The following AFG1L variants were observed in gnomAD, a reference collection of about 807,000 sequenced individuals.
AFG1L encodes AFG1-like ATPase.
AFG1L carries 53 observed loss-of-function variants against 62.2 expected under a neutral mutation model. The ratio of observed to expected loss-of-function variants is 0.85; its 90% CI spans 0.68 to 1.07. The LOEUF is 1.07. Among genes scored for constraint, AFG1L ranks in the 50% least tolerant of loss-of-function variants. AFG1L has a pLI of 0.00. For synonymous variants in AFG1L, 228 were observed against 210.3 expected, an observed-to-expected ratio of 1.08 and a Z score of -0.73; for missense variants, 555 against 590.5, an observed-to-expected ratio of 0.94 and a Z score of 0.62.
At chr6:108,328,130 T>C (rs545384960) in intron 2 of AFG1L, among the ~76,000 whole-genome samples, 455 of 152,366 alleles carry the variant, frequency 3.0e-3, no homozygotes, top group Non-Finnish European at 4.1e-3. Flanking sequence ...AGACTGCTTA[T>C]GTACTGCATA....
chr6:108,515,468 G>A (rs1161278391), intron 11 of AFG1L, among the ~76,000 whole-genome samples: 1 of 151,998 alleles, frequency 6.6e-6, no homozygotes, highest in African/African-American at 2.4e-5. Context: ...CAAAGACACA[G>A]CATACCAGAA....
intron 10 of AFG1L, among the ~76,000 whole-genome samples, chr6:108,483,048 A>G (rs1201590177): frequency 1.3e-5 from 2 of 152,174 alleles, no homozygotes; most frequent in Non-Finnish European, 2.9e-5. Context: ...CTACATATCC[A>G]CATAAGGCTA....
chr6:108,499,064 A>G (rs796324012), intron 10 of AFG1L, among the ~76,000 whole-genome samples: 10 of 130,470 alleles, frequency 7.7e-5, no homozygotes, highest in African/African-American at 2.8e-4. Flanking sequence ...CCCTCCATAA[A>G]TGTAACTTTT....
At chr6:108,499,750 C>T (rs2114873197) in intron 10 of AFG1L, among the ~76,000 whole-genome samples, 1 of 152,056 alleles carries the variant, frequency 6.6e-6, no homozygotes, top group Non-Finnish European at 1.5e-5. Context: ...GAGCTAGATC[C>T]TGTCCCCATC....
At chr6:108,486,805 A>T (rs186319411) in intron 10 of AFG1L, among the ~76,000 whole-genome samples, 1 of 152,188 alleles carries the variant, frequency 6.6e-6, no homozygotes. Flanking sequence ...CCCAGATTCA[A>T]GCAATTCCTG....
Position 108,366,327 on chromosome 6 carries a change from C to A in AFG1L, c.743C>A (p.Pro248Gln). 6.2e-7 allele frequency: 1 copy of A among 1,606,848 alleles called. No homozygotes were observed. Among genetic ancestry groups the A allele is most frequent in the Non-Finnish European group, 8.5e-7 (1 of 1,174,416 alleles). Reference protein sequence around the residue: ...VVVVATSNRPPEDLYKNGLQR... With the variant: ...VVVVATSNRPQEDLYKNGLQR... ...GTTGTGGCAACATCCAACAGGCCAC[C>A]GGAAGGTAAAAACAAACATTGTGCT... Residue 248 changes from proline (P) to glutamine (Q), a missense_variant, in exon 6 of 13, where the codon CCG (proline) becomes CAG (glutamine). By Grantham distance (76) the Pro-to-Gln change is moderately conservative (BLOSUM62 -1). Coordinates refer to ENST00000368977, the MANE Select transcript of AFG1L (RefSeq NM_145315.5).
chr6:108,330,489 T>A (rs756582336), intron 2 of AFG1L, among the ~76,000 whole-genome samples: 3 of 152,112 alleles, frequency 2.0e-5, no homozygotes, highest in Non-Finnish European at 4.4e-5. Context: ...ATTCCTTTTC[T>A]TTATAAATTA....
intron 2 of AFG1L, among the ~76,000 whole-genome samples, chr6:108,345,852 A>T (rs747022878): frequency 6.6e-6 from 1 of 152,126 alleles, no homozygotes; most frequent in Non-Finnish European, 1.5e-5. Context: ...TCTGGTAGGG[A>T]TCTAGGTCTT....
At chr6:108,472,341 A>G (rs889037392) in intron 8 of AFG1L, among the ~76,000 whole-genome samples, 3 of 152,136 alleles carry the variant, frequency 2.0e-5, no homozygotes, top group Non-Finnish European at 4.4e-5. Flanking sequence ...AGTGTATTGT[A>G]TACTGGAAAT....
intron 2 of AFG1L, among the ~76,000 whole-genome samples, chr6:108,324,520 T>C (rs973629315): frequency 1.3e-5 from 2 of 152,098 alleles, no homozygotes; most frequent in African/African-American, 4.8e-5. Flanking sequence ...ACGTGCTAGC[T>C]CTTTGTTGAG....
chr6:108,376,669 C>T (rs1780261278), intron 6 of AFG1L, among the ~76,000 whole-genome samples: 1 of 152,022 alleles, frequency 6.6e-6, no homozygotes, highest in African/African-American at 2.4e-5. Flanking sequence ...TTTATCAAGA[C>T]TTGCTTTATG....
At chr6:108,442,218 C>G (rs113867407) in intron 7 of AFG1L, among the ~76,000 whole-genome samples, 2 of 150,994 alleles carry the variant, frequency 1.3e-5, no homozygotes, top group African/African-American at 2.4e-5. Context: ...TGACTGAGCT[C>G]TCGCAATTAT....
chr6:108,507,617 T>C (rs928528205), intron 10 of AFG1L, among the ~76,000 whole-genome samples: 1 of 152,232 alleles, frequency 6.6e-6, no homozygotes, highest in Non-Finnish European at 1.5e-5. Context: ...ATCACATCCA[T>C]GCATAACGAG....
intron 10 of AFG1L, among the ~76,000 whole-genome samples, chr6:108,501,820 G>T (rs987737691): frequency 1.3e-5 from 2 of 152,128 alleles, no homozygotes; most frequent in African/African-American, 4.8e-5. Flanking sequence ...CAGGCCACTG[G>T]AACCGATGAG....
chr6:108,336,259 G>A (rs1778471831), intron 2 of AFG1L, among the ~76,000 whole-genome samples: 1 of 152,162 alleles, frequency 6.6e-6, no homozygotes. Context: ...ATCATTTTGG[G>A]AGATAATAAT....
intron 6 of AFG1L, among the ~76,000 whole-genome samples, chr6:108,380,003 T>C (rs1362897880): frequency 6.6e-6 from 1 of 151,134 alleles, no homozygotes; most frequent in Non-Finnish European, 1.5e-5. Context: ...GCCTGGAGAT[T>C]TGCCTGGGCA....
At chr6:108,321,170 T>A (rs1777799495) in intron 1 of AFG1L, among the ~76,000 whole-genome samples, 1 of 152,222 alleles carries the variant, frequency 6.6e-6, no homozygotes, top group Non-Finnish European at 1.5e-5. Flanking sequence ...CCCACATATC[T>A]ACCTGGCAAC....
At chr6:108,374,232 A>G (rs1780142790) in intron 6 of AFG1L, among the ~76,000 whole-genome samples, 1 of 152,142 alleles carries the variant, frequency 6.6e-6, no homozygotes, top group Non-Finnish European at 1.5e-5. Flanking sequence ...GATTCTGGAT[A>G]TTAGACCTTT....
chr6:108,433,741 A>G (rs1771183496), intron 7 of AFG1L, among the ~76,000 whole-genome samples: 1 of 151,822 alleles, frequency 6.6e-6, no homozygotes, highest in Non-Finnish European at 1.5e-5. Flanking sequence ...TACAGGCACA[A>G]GGCACCATGT....
Sources: allele counts gnomAD v4.1 joint callset (sites outside exome capture counted in the v4.1 genomes callset), GRCh38; gene constraint gnomAD v4.1.1; transcripts MANE v1.5; gene names NCBI Gene and HGNC (gene_info 2026-07-23, HGNC 2026-07-21).